Variants in PDE8B observed in about 807,000 individuals in gnomAD.
PDE8B encodes the protein phosphodiesterase 8B.
PDE8B carries 26 observed loss-of-function variants against 101.3 expected under a neutral mutation model. The observed-to-expected ratio is 0.26, with a 90% CI of 0.19 to 0.36. The LOEUF is 0.36. PDE8B is among the 10% of genes least tolerant of loss of function. The pLI is 1.00. For synonymous variants in PDE8B, 424 were observed against 429.3 expected (o/e 0.99, Z 0.15); for missense variants, 810 against 1,163.1 (o/e 0.70, Z 4.42).
At chr5:77,396,957 A>G (rs547108364) in intron 10 of PDE8B, among the ~76,000 whole-genome samples, 29 of 149,180 alleles carry the variant, frequency 1.9e-4, no homozygotes, top group Non-Finnish European at 3.4e-4. Context: ...AACTAGTTTT[A>G]TTTGAAAGAT....
chr5:77,116,224 A>ATATATATTTTTTTTTTTT, the PDE8B span, among the ~76,000 whole-genome samples: 1 of 59,610 alleles, frequency 1.7e-5, no homozygotes, highest in African/African-American at 7.2e-5. Context: ...ATATATATAT[A>ATATATATTTTTTTTTTTT]TTTTTTTTTT....
chr5:77,224,211 G>A (rs1286213720), intron 1 of PDE8B, among the ~76,000 whole-genome samples: 2 of 152,042 alleles, frequency 1.3e-5, no homozygotes, highest in Non-Finnish European at 2.9e-5. Flanking sequence ...TGAAAGTTCT[G>A]ACCTCATAGA....
chr5:77,300,873 T>G lies in PDE8B; in HGVS notation c.340-11121T>G, dbSNP rs1158553067. Reference sequence around the variant, plus strand: ...TCAATAACTGCTTGGAAATCATGATTGTTCTTGCCACATAAGTGAAATTCC... The same window carrying G: ...TCAATAACTGCTTGGAAATCATGATGGTTCTTGCCACATAAGTGAAATTCC... On this transcript the variant is annotated intron_variant, in intron 1 of 21. Transcript: ENST00000264917. Among the ~76,000 whole-genome samples, 5 of 152,242 alleles carry G rather than the reference T, an allele frequency of 3.3e-5. No individual in the cohort carries two copies. The South Asian group carries it at 8.3e-4, about 25-fold the overall frequency.
intron 1 of PDE8B, among the ~76,000 whole-genome samples, chr5:77,240,097 T>G (rs183523677): frequency 2.0e-5 from 3 of 152,082 alleles, no homozygotes; most frequent in Non-Finnish European, 2.9e-5. Flanking sequence ...TTTTTTTTTT[T>G]GTATTTCGTT....
chr5:77,315,439 G>A (rs7731628), intron 2 of PDE8B, among the ~76,000 whole-genome samples: 1 of 151,924 alleles, frequency 6.6e-6, no homozygotes, highest in South Asian at 2.1e-4. Context: ...ATTGCTTTGA[G>A]GCCTTTGCTA....
chr5:77,109,927 G>GTT, the PDE8B span, among the ~76,000 whole-genome samples: 6,127 of 67,212 alleles, frequency 0.091, 1,957 homozygotes, highest in East Asian at 0.17. Context: ...TTGTATTTCA[G>GTT]TTTTTTTTTT....
chr5:77,335,188 A>G (rs1053306750), intron 5 of PDE8B, among the ~76,000 whole-genome samples: 3 of 152,226 alleles, frequency 2.0e-5, no homozygotes, highest in Non-Finnish European at 4.4e-5. Flanking sequence ...GTCGTGATAT[A>G]CATACATATC....
intron 1 of PDE8B, among the ~76,000 whole-genome samples, chr5:77,295,331 A>G (rs978633695): frequency 6.6e-6 from 1 of 152,172 alleles, no homozygotes; most frequent in Non-Finnish European, 1.5e-5. Context: ...AATTACTGTG[A>G]CTGGAGAAAC....
chr5:77,348,003 TC>T (rs1396707565), intron 7 of PDE8B, among the ~76,000 whole-genome samples: 1 of 151,904 alleles, frequency 6.6e-6, no homozygotes, highest in Non-Finnish European at 1.5e-5. Context: ...GGTCTGGAGA[TC>T]CATGAAGACA....
At chr5:77,237,195 G>A (rs1215189874) in intron 1 of PDE8B, among the ~76,000 whole-genome samples, 1 of 152,062 alleles carries the variant, frequency 6.6e-6, no homozygotes, top group Admixed American at 6.5e-5. Flanking sequence ...TGGGTCATGT[G>A]TTTTTAATTC....
intron 10 of PDE8B, among the ~76,000 whole-genome samples, chr5:77,368,941 G>A (rs2150650617): frequency 6.6e-6 from 1 of 152,268 alleles, no homozygotes; most frequent in South Asian, 2.1e-4. Flanking sequence ...AGTGGCTCAC[G>A]CCTGTAATCC....
intron 17 of PDE8B, among the ~76,000 whole-genome samples, chr5:77,416,722 T>A (rs1795639712): frequency 6.6e-6 from 1 of 152,168 alleles, no homozygotes; most frequent in Admixed American, 6.5e-5. Context: ...CACAAGCAAG[T>A]GCAGCCCCTT....
chr5:77,144,540 T>C, the PDE8B span: 1 of 151,966 alleles, frequency 6.6e-6, no homozygotes, highest in African/African-American at 2.4e-5. Flanking sequence ...TACTTGGTTA[T>C]ATAGGAAATG....
At chr5:77,356,242 AC>A (rs1475211116) in intron 10 of PDE8B, among the ~76,000 whole-genome samples, 1 of 152,070 alleles carries the variant, frequency 6.6e-6, no homozygotes, top group Non-Finnish European at 1.5e-5. Context: ...GCCCCTGCAT[AC>A]TGGTGCGGAC....
chr5:77,382,398 C>T (rs981306915), intron 10 of PDE8B, among the ~76,000 whole-genome samples: 2 of 152,180 alleles, frequency 1.3e-5, no homozygotes, highest in African/African-American at 2.4e-5. Context: ...CAGCAAAATA[C>T]GTACATCTTA....
chr5:77,340,600 A>AGTGTGT (rs34764404), intron 6 of PDE8B, among the ~76,000 whole-genome samples: 18,077 of 139,988 alleles, frequency 0.13, 1,143 homozygotes, highest in Middle Eastern at 0.21. Context: ...GCAGCCTCAC[A>AGTGTGT]GTGTGTGTGT....
chr5:77,350,370 A>G (rs557691017), intron 8 of PDE8B, among the ~76,000 whole-genome samples: 5 of 152,202 alleles, frequency 3.3e-5, no homozygotes, highest in Admixed American at 6.5e-5. Context: ...GATTGTTGCC[A>G]AAAGAATATA....
chr5:77,424,239 G>A (rs1461685687), intron 20 of PDE8B, among the ~76,000 whole-genome samples: 2 of 152,130 alleles, frequency 1.3e-5, no homozygotes, highest in South Asian at 4.1e-4. Context: ...AGGACCTGAC[G>A]TACTACTCCT....
intron 1 of PDE8B, among the ~76,000 whole-genome samples, chr5:77,253,130 T>C (rs895908114): frequency 6.6e-6 from 1 of 152,214 alleles, no homozygotes; most frequent in Non-Finnish European, 1.5e-5. Flanking sequence ...TTTAGGGTAA[T>C]ATCAGGTGTT....
Sources: allele counts gnomAD v4.1 joint callset (sites outside exome capture counted in the v4.1 genomes callset), GRCh38; gene constraint gnomAD v4.1.1; transcripts MANE v1.5; gene names NCBI Gene and HGNC (gene_info 2026-07-23, HGNC 2026-07-21).